The following CAMTA1 variants were observed in gnomAD, a reference collection of about 807,000 sequenced individuals.
CAMTA1 encodes calmodulin-binding transcription activator 1.
Under a neutral mutation model 170.9 loss-of-function variants are expected in CAMTA1, and 27 were observed. That is an observed-to-expected ratio of 0.16 (90% confidence interval 0.12 to 0.22). CAMTA1 has a LOEUF of 0.22. CAMTA1 is among the 10% of genes least tolerant of loss of function. CAMTA1 has a pLI of 1.00. For missense variants in CAMTA1, 1,619 were observed against 2,217.2 expected (o/e 0.73, Z 5.42); for synonymous variants, 833 against 891.5 (o/e 0.93, Z 1.17).
At chr1:7,062,877 C>T (rs569194447) in intron 3 of CAMTA1, among the ~76,000 whole-genome samples, 2 of 152,296 alleles carry the variant, frequency 1.3e-5, no homozygotes, top group East Asian at 1.9e-4. Context: ...CATCTTCACG[C>T]GGCCTCCCCC....
chr1:7,386,587 C>T (rs1466792860), intron 5 of CAMTA1, among the ~76,000 whole-genome samples: 1 of 152,142 alleles, frequency 6.6e-6, no homozygotes, highest in Non-Finnish European at 1.5e-5. Context: ...CGCAGCGATG[C>T]CTCCCTTCCT....
chr1:7,253,327 A>C (rs1356884834), intron 5 of CAMTA1, among the ~76,000 whole-genome samples: 28 of 152,166 alleles, frequency 1.8e-4, no homozygotes, highest in Admixed American at 1.8e-3. Context: ...GTCAGAGGTG[A>C]TGCTGTTCTC....
chr1:7,363,168 C>T (rs1419174416), intron 5 of CAMTA1, among the ~76,000 whole-genome samples: 1 of 152,242 alleles, frequency 6.6e-6, no homozygotes, highest in Admixed American at 6.5e-5. Flanking sequence ...TCAACAGGAA[C>T]ATGGTGCCCA....
chr1:7,589,775 G>T (rs913664981), intron 6 of CAMTA1, among the ~76,000 whole-genome samples: 1 of 152,150 alleles, frequency 6.6e-6, no homozygotes, highest in Non-Finnish European at 1.5e-5. Flanking sequence ...ATAAGAGGAG[G>T]GTTTTCTCAG....
chr1:6,941,628 C>G (rs1571908208), intron 3 of CAMTA1, among the ~76,000 whole-genome samples: 1 of 152,360 alleles, frequency 6.6e-6, no homozygotes, highest in East Asian at 1.9e-4. Context: ...CCTTCAGTGA[C>G]AGCAGGGAGC....
intron 4 of CAMTA1, among the ~76,000 whole-genome samples, chr1:7,162,150 G>A (rs535453425): frequency 5.9e-5 from 9 of 152,266 alleles, no homozygotes; most frequent in African/African-American, 2.2e-4. Context: ...GGAGTATGGT[G>A]GGTGCAGGAG....
chr1:6,990,647 A>G (rs940710645), intron 3 of CAMTA1, among the ~76,000 whole-genome samples: 4 of 152,076 alleles, frequency 2.6e-5, no homozygotes, highest in African/African-American at 7.2e-5. Context: ...TATCATCCCA[A>G]AAGGGTTCCT....
At chr1:7,698,036 G>A (rs2096395007) in intron 11 of CAMTA1, among the ~76,000 whole-genome samples, 1 of 148,008 alleles carries the variant, frequency 6.8e-6, no homozygotes, top group Admixed American at 6.8e-5. Flanking sequence ...AAGCATAGGG[G>A]CACCTGCTCT....
chr1:7,072,343 C>T (rs1486579997), intron 3 of CAMTA1, among the ~76,000 whole-genome samples: 1 of 152,144 alleles, frequency 6.6e-6, no homozygotes, highest in Non-Finnish European at 1.5e-5. Flanking sequence ...GGTGTGTGGG[C>T]TCCGGAGGCA....
chr1:7,439,884 CCAACCTTGGCTTCCT>C (rs1171929986), intron 5 of CAMTA1, among the ~76,000 whole-genome samples: 1 of 152,242 alleles, frequency 6.6e-6, no homozygotes, highest in Non-Finnish European at 1.5e-5. Context: ...AGCTGCATCT[CCAACCTTGGCTTCCT>C]CATTTGCAAA....
At chr1:7,462,554 CT>C (rs1186356588) in intron 5 of CAMTA1, among the ~76,000 whole-genome samples, 1 of 152,172 alleles carries the variant, frequency 6.6e-6, no homozygotes, top group African/African-American at 2.4e-5. Context: ...CACACCCGGC[CT>C]AACTACCTAT....
At chr1:7,765,924 G>A (rs1199561314) in intron 22 of CAMTA1, among the ~76,000 whole-genome samples, 2 of 151,866 alleles carry the variant, frequency 1.3e-5, no homozygotes, top group Non-Finnish European at 1.5e-5. Flanking sequence ...CTACTCGGGA[G>A]GCTAAGGCAG....
intron 5 of CAMTA1, among the ~76,000 whole-genome samples, chr1:7,437,644 C>T (rs1348930768): frequency 1.3e-5 from 2 of 152,282 alleles, no homozygotes; most frequent in African/African-American, 2.4e-5. Context: ...AATCCATAAC[C>T]GGGGGCCTCT....
At chr1:7,636,158 A>C (rs1036526295) in intron 6 of CAMTA1, among the ~76,000 whole-genome samples, 76 of 151,456 alleles carry the variant, frequency 5.0e-4, no homozygotes, top group African/African-American at 1.5e-3. Flanking sequence ...GGGACCCCCC[A>C]CCCCCGGTGT....
At chr1:7,605,836 T>C (rs1373961784) in intron 6 of CAMTA1, among the ~76,000 whole-genome samples, 1 of 152,146 alleles carries the variant, frequency 6.6e-6, no homozygotes, top group African/African-American at 2.4e-5. Context: ...CACCCCCCAA[T>C]TTAAATATTA....
chr1:6,827,084 A>C (rs1028138175), intron 3 of CAMTA1, among the ~76,000 whole-genome samples: 1 of 152,216 alleles, frequency 6.6e-6, no homozygotes, highest in African/African-American at 2.4e-5. Context: ...CAGTCCACAT[A>C]CTCCCTTGGA....
At chr1:7,473,363 G>C (rs2093366140) in intron 6 of CAMTA1, among the ~76,000 whole-genome samples, 1 of 152,220 alleles carries the variant, frequency 6.6e-6, no homozygotes, top group Non-Finnish European at 1.5e-5. Flanking sequence ...GGCTGGGGCA[G>C]CTCCATGGCA....
At chr1:7,391,839 ACTTC>A (rs1424823105) in intron 5 of CAMTA1, among the ~76,000 whole-genome samples, 2 of 152,214 alleles carry the variant, frequency 1.3e-5, no homozygotes, top group African/African-American at 4.8e-5. Flanking sequence ...ATGTATCAGT[ACTTC>A]CTTCCTTTTT....
chr1:6,902,078 A>AAAC (rs1553180481), intron 3 of CAMTA1, among the ~76,000 whole-genome samples: 1 of 86,498 alleles, frequency 1.2e-5, no homozygotes, highest in South Asian at 4.9e-4. Context: ...CACACAAAAA[A>AAAC]AAAAATAAAA....
Sources: allele counts gnomAD v4.1 joint callset (sites outside exome capture counted in the v4.1 genomes callset), GRCh38; gene constraint gnomAD v4.1.1; transcripts MANE v1.5; gene names NCBI Gene and HGNC (gene_info 2026-07-23, HGNC 2026-07-21).